FMN1: variants seen among roughly 807,000 people sequenced by gnomAD.
FMN1 encodes formin-1.
A neutral mutation model predicts 132.4 loss-of-function variants in FMN1; 110 were observed. The observed-to-expected ratio is 0.83, with a 90% CI of 0.71 to 0.97. FMN1 has a LOEUF of 0.97. FMN1 is among the 50% of genes least tolerant of loss of function. The pLI, the probability that FMN1 is intolerant of heterozygous loss-of-function variation, is 0.00. For missense variants in FMN1, 1,792 were observed against 1,705.3 expected (o/e 1.05, Z -0.90); for synonymous variants, 722 against 651.7 (o/e 1.11, Z -1.64).
At chr15:32,871,853 T>C (rs1161373578) in intron 16 of FMN1, among the ~76,000 whole-genome samples, 3 of 152,144 alleles carry the variant, frequency 2.0e-5, no homozygotes, top group Non-Finnish European at 4.4e-5. Context: ...CACTGTCATG[T>C]AGGGACTACG....
chr15:33,151,396 G>A (rs1964433091), intron 4 of FMN1: 1 of 1,535,588 alleles, frequency 6.5e-7, no homozygotes, highest in Non-Finnish European at 8.7e-7. Context: ...CCAAAGTAAA[G>A]GGAATGTTGA....
intron 4 of FMN1, among the ~76,000 whole-genome samples, chr15:33,092,347 G>C (rs1171136579): frequency 6.6e-6 from 1 of 152,096 alleles, no homozygotes; most frequent in East Asian, 1.9e-4. Context: ...TCTAGCAGGG[G>C]TACATTGGAT....
intron 16 of FMN1, among the ~76,000 whole-genome samples, chr15:32,873,191 T>C (rs1031955275): frequency 2.6e-5 from 4 of 152,224 alleles, no homozygotes; most frequent in Non-Finnish European, 5.9e-5. Context: ...CTTTTAAAAC[T>C]CCACAGACAC....
chr15:33,163,562 G>A (rs997852088), intron 3 of FMN1, among the ~76,000 whole-genome samples: 2 of 151,678 alleles, frequency 1.3e-5, no homozygotes, highest in African/African-American at 4.9e-5. Context: ...CCAAAGTGCT[G>A]GGATTACAGG....
intron 6 of FMN1, among the ~76,000 whole-genome samples, chr15:33,034,943 A>G (rs999140623): frequency 2.0e-5 from 3 of 152,134 alleles, no homozygotes; most frequent in African/African-American, 7.2e-5. Context: ...CCAATCTCAA[A>G]CAATATCCTA....
At chr15:32,980,530 A>G (rs199793269) in intron 7 of FMN1, among the ~76,000 whole-genome samples, 3 of 152,328 alleles carry the variant, frequency 2.0e-5, no homozygotes, top group East Asian at 3.9e-4. Context: ...TTAAAACTGT[A>G]CAGTATTATG....
At chr15:32,895,944 C>T (rs948007149) in intron 15 of FMN1, among the ~76,000 whole-genome samples, 8 of 152,060 alleles carry the variant, frequency 5.3e-5, no homozygotes, top group Admixed American at 3.3e-4. Context: ...CTGAACACTT[C>T]GAAAGGATTT....
intron 4 of FMN1, among the ~76,000 whole-genome samples, chr15:33,108,709 G>A (rs2039581386): frequency 6.6e-6 from 1 of 152,032 alleles, no homozygotes; most frequent in Non-Finnish European, 1.5e-5. Flanking sequence ...TTCCTCTTTT[G>A]ATGTTCTCAC....
chr15:33,129,417 G>T (rs779145301), intron 4 of FMN1, among the ~76,000 whole-genome samples: 9 of 152,180 alleles, frequency 5.9e-5, no homozygotes, highest in Non-Finnish European at 8.8e-5. Flanking sequence ...AAACACTGTT[G>T]AAATCTGGGT....
intron 4 of FMN1, chr15:33,149,889 A>G (rs1964375395): frequency 5.1e-6 from 5 of 984,096 alleles, no homozygotes; most frequent in African/African-American, 1.8e-5. Flanking sequence ...CAAAGCTTTG[A>G]CAGTAGTATT....
chr15:32,801,746 G>A (rs1223061224), intron 18 of FMN1, among the ~76,000 whole-genome samples: 1 of 152,244 alleles, frequency 6.6e-6, no homozygotes, highest in Non-Finnish European at 1.5e-5. Context: ...AGTGAGCCCA[G>A]ACTGCGCCAC....
At chr15:32,919,350 A>G (rs2060764566) in intron 10 of FMN1, among the ~76,000 whole-genome samples, 1 of 152,202 alleles carries the variant, frequency 6.6e-6, no homozygotes, top group African/African-American at 2.4e-5. Context: ...GGAAGTGGGT[A>G]AAAACAAGGA....
intron 6 of FMN1, among the ~76,000 whole-genome samples, chr15:33,032,433 T>C (rs1198671388): frequency 6.6e-6 from 1 of 152,200 alleles, no homozygotes; most frequent in Non-Finnish European, 1.5e-5. Flanking sequence ...TACTCCATAG[T>C]TATTAAAAAG....
rs192089040 is a variant in FMN1 at position 32,890,265 on chromosome 15, T to C, written c.3715-1973A>G. Among the ~76,000 whole-genome samples the C allele has an allele frequency of 4.2e-3, 634 of 152,322 alleles. 1 individual carries two copies. Among genetic ancestry groups the C allele is most frequent in the African/African-American group, 0.015 (605 of 41,570 alleles). On this transcript the variant is annotated intron_variant, in intron 15 of 20. Coordinates refer to ENST00000616417, the MANE Select transcript of FMN1 (RefSeq NM_001277313.2). ...CAAGTATCTTTTTCATATAATGACT[T>C]CTTTTCCTCTGGATAGATACCCAGT...
At chr15:32,930,177 C>T (rs978574968) in intron 9 of FMN1, among the ~76,000 whole-genome samples, 4 of 151,512 alleles carry the variant, frequency 2.6e-5, no homozygotes, top group East Asian at 3.9e-4. Flanking sequence ...TTTTAGTAGA[C>T]GGGGTTTCAC....
intron 16 of FMN1, among the ~76,000 whole-genome samples, chr15:32,870,747 T>A (rs1323114744): frequency 6.6e-6 from 1 of 152,210 alleles, no homozygotes; most frequent in Non-Finnish European, 1.5e-5. Flanking sequence ...GGATTGGGCA[T>A]GATTTGATTT....
At chr15:33,174,178 C>T (rs1302918782) in intron 3 of FMN1, among the ~76,000 whole-genome samples, 1 of 152,060 alleles carries the variant, frequency 6.6e-6, no homozygotes, top group Non-Finnish European at 1.5e-5. Flanking sequence ...TGAAAAATAT[C>T]ATTTTCTTTT....
At chr15:32,990,263 G>A (rs1474211801) in intron 7 of FMN1, among the ~76,000 whole-genome samples, 1 of 152,146 alleles carries the variant, frequency 6.6e-6, no homozygotes, top group Admixed American at 6.5e-5. Context: ...TTGGCGTGCT[G>A]CAGAGGCAAC....
intron 9 of FMN1, among the ~76,000 whole-genome samples, chr15:32,955,895 C>A (rs2061756832): frequency 6.6e-6 from 1 of 152,106 alleles, no homozygotes; most frequent in African/African-American, 2.4e-5. Flanking sequence ...GACGCTAACT[C>A]TAATATTCCA....
Sources: allele counts gnomAD v4.1 joint callset (sites outside exome capture counted in the v4.1 genomes callset), GRCh38; gene constraint gnomAD v4.1.1; transcripts MANE v1.5; gene names NCBI Gene and HGNC (gene_info 2026-07-23, HGNC 2026-07-21).